The following RARB variants were observed in gnomAD, a reference collection of about 807,000 sequenced individuals.
RARB encodes the protein retinoic acid receptor beta, also known as HBV-activated protein.
RARB carries 17 observed loss-of-function variants against 51.9 expected under a neutral mutation model. The ratio of observed to expected loss-of-function variants is 0.33; its 90% CI spans 0.22 to 0.49. The LOEUF is 0.49. Ranked by LOEUF, RARB falls within the 20% of genes least tolerant of loss-of-function variation. The pLI is 0.99. For synonymous variants in RARB, 215 were observed against 195.4 expected (o/e 1.10, Z -0.84); for missense variants, 369 against 550.8 (o/e 0.67, Z 3.30).
At chr3:25,452,669 G>A (rs944843323) in intron 1 of RARB, among the ~76,000 whole-genome samples, 11 of 149,690 alleles carry the variant, frequency 7.3e-5, no homozygotes, top group Admixed American at 3.3e-4. Flanking sequence ...AAAAGCGGGG[G>A]GGGTTTGGTG....
chr3:24,879,279 A>G (rs1271444693), intron 2 of RARB, among the ~76,000 whole-genome samples: 1 of 151,920 alleles, frequency 6.6e-6, no homozygotes, highest in African/African-American at 2.4e-5. Context: ...AATACAAAAA[A>G]TTAGCCGGGC....
chr3:25,311,274 T>G (rs1704281648), intron 5 of RARB, among the ~76,000 whole-genome samples: 1 of 152,206 alleles, frequency 6.6e-6, no homozygotes. Flanking sequence ...GAGTCCCAGC[T>G]GGCAAGTACA....
intron 3 of RARB, among the ~76,000 whole-genome samples, chr3:25,538,405 G>A (rs886176957): frequency 1.3e-5 from 2 of 151,948 alleles, no homozygotes; most frequent in Non-Finnish European, 2.9e-5. Flanking sequence ...CTTTACATCC[G>A]GGTTTTAGAT....
At chr3:25,259,165 G>A (rs1702938261) in intron 5 of RARB, 1 of 803,228 alleles carries the variant, frequency 1.2e-6, no homozygotes, top group African/African-American at 1.9e-5. Flanking sequence ...AAATAGATAT[G>A]GTAAAGTAGA....
intron 1 of RARB, among the ~76,000 whole-genome samples, chr3:25,445,036 G>A (rs1444134444): frequency 1.3e-5 from 2 of 151,846 alleles, no homozygotes; most frequent in African/African-American, 2.4e-5. Flanking sequence ...TGCAACCTCC[G>A]CCTCCCGGGT....
chr3:24,974,519 C>G (rs993695840), intron 2 of RARB, among the ~76,000 whole-genome samples: 1 of 152,058 alleles, frequency 6.6e-6, no homozygotes, highest in Admixed American at 6.6e-5. Context: ...CCAACTGACT[C>G]AGCATAGGCC....
chr3:24,986,060 C>T (rs368494383), intron 2 of RARB, among the ~76,000 whole-genome samples: 23 of 152,154 alleles, frequency 1.5e-4, no homozygotes, highest in East Asian at 1.2e-3. Flanking sequence ...CTAAGAACCA[C>T]GGGTAAAATC....
In RARB at chr3:25,270,150, A is replaced by C. The variant is rs77592378; in HGVS notation, c.178+95575A>C. On this transcript the variant is annotated intron_variant, in intron 5 of 11. Coordinates refer to the RARB transcript ENST00000383772. ...CACATATCATCCATTAATTTCACTT[A>C]TGGGTGTTAACTAGAGACTCAAACA... Among the ~76,000 whole-genome samples the C allele has an allele frequency of 2.4e-3, 361 of 152,326 alleles. 9 individuals are homozygous for C. The East Asian group carries it at 0.061, about 26-fold the overall frequency.
chr3:24,998,395 A>G (rs1165203687), intron 2 of RARB, among the ~76,000 whole-genome samples: 3 of 151,704 alleles, frequency 2.0e-5, no homozygotes, highest in Middle Eastern at 3.2e-3. Context: ...ATATGATCCT[A>G]TGCATGTGGC....
intron 2 of RARB, among the ~76,000 whole-genome samples, chr3:24,944,500 G>A (rs1182655435): frequency 6.6e-6 from 1 of 152,096 alleles, no homozygotes; most frequent in East Asian, 1.9e-4. Context: ...TAAGTCTAAG[G>A]GAGATTAACT....
chr3:25,130,157 T>A (rs1045174420), intron 3 of RARB, among the ~76,000 whole-genome samples: 2 of 152,070 alleles, frequency 1.3e-5, no homozygotes, highest in African/African-American at 4.8e-5. Flanking sequence ...GTATGCTATG[T>A]TTTGTTCATT....
chr3:24,851,149 G>A (rs966035898), intron 1 of RARB, among the ~76,000 whole-genome samples: 1 of 152,076 alleles, frequency 6.6e-6, no homozygotes, highest in East Asian at 1.9e-4. Flanking sequence ...AGAGGTTGTG[G>A]CCAGGCCTGG....
intron 4 of RARB, among the ~76,000 whole-genome samples, chr3:25,573,875 T>G (rs1430485671): frequency 6.6e-6 from 1 of 152,108 alleles, no homozygotes; most frequent in Non-Finnish European, 1.5e-5. Flanking sequence ...TAGGGTGGAT[T>G]TGGGACAAAT....
chr3:25,578,606 T>C (rs1046911564), intron 4 of RARB, among the ~76,000 whole-genome samples: 3 of 152,222 alleles, frequency 2.0e-5, no homozygotes, highest in Non-Finnish European at 4.4e-5. Context: ...ACGGCCCAAA[T>C]GGCCACACAT....
At chr3:25,255,516 G>A (rs892136591) in intron 5 of RARB, among the ~76,000 whole-genome samples, 3 of 152,046 alleles carry the variant, frequency 2.0e-5, no homozygotes, top group South Asian at 2.1e-4. Context: ...TTCACCCTTG[G>A]CAACTAGAAT....
intron 2 of RARB, among the ~76,000 whole-genome samples, chr3:25,057,599 T>C (rs1000000351): frequency 2.0e-5 from 3 of 152,166 alleles, no homozygotes; most frequent in South Asian, 2.1e-4. Flanking sequence ...TAGGAAAGAC[T>C]TACTCATTTG....
intron 5 of RARB, among the ~76,000 whole-genome samples, chr3:25,313,944 A>T (rs1430424754): frequency 6.6e-6 from 1 of 152,000 alleles, no homozygotes; most frequent in Non-Finnish European, 1.5e-5. Flanking sequence ...GATGGTATGC[A>T]TCTGTAGCCT....
In RARB at chr3:25,155,637, G is replaced by T. The variant is rs550690633; in HGVS notation, c.-279-18482G>T. On this transcript the variant is annotated intron_variant, in intron 4 of 11. Coordinates refer to the RARB transcript ENST00000383772. ...ATCTGGAGGAAGAATGTTTTGGCTG[G>T]GACCCACACACTTTTTTTCAAAAAG... Among the ~76,000 whole-genome samples, 191 of 152,252 alleles carry T rather than the reference G, an allele frequency of 1.3e-3. 3 individuals carry two copies. In the South Asian group the frequency reaches 0.037, roughly 29 times the overall value.
chr3:25,098,878 GC>G (rs1179519914), intron 3 of RARB, among the ~76,000 whole-genome samples: 5 of 152,084 alleles, frequency 3.3e-5, no homozygotes, highest in Admixed American at 6.6e-5. Context: ...CCTTACCCCT[GC>G]AAAATGTTCT....
Sources: gnomAD v4.1 joint callset for allele counts (sites outside exome capture counted in the v4.1 genomes callset) on GRCh38, gnomAD v4.1.1 for gene constraint, MANE v1.5 for transcripts, NCBI Gene and HGNC (gene_info 2026-07-23, HGNC 2026-07-21) for gene names.